The following CHD6 variants were observed in gnomAD, a reference collection of about 807,000 sequenced individuals.
CHD6 encodes the protein chromodomain helicase DNA binding protein 6, also known as ATP-dependent chromatin remodeler CHD6.
CHD6 carries 50 observed loss-of-function variants against 276.9 expected under a neutral mutation model. The ratio of observed to expected loss-of-function variants is 0.18; its 90% CI spans 0.14 to 0.23. CHD6 has a LOEUF of 0.23. CHD6 is among the 10% of genes least tolerant of loss of function. CHD6 has a pLI of 1.00. For missense variants in CHD6, 2,564 were observed against 3,365.8 expected (o/e 0.76, Z 5.89); for synonymous variants, 1,173 against 1,229.3 (o/e 0.95, Z 0.96).
At chr20:41,498,803 ATGTATGTATGTGTGTGTGTG>A (rs143509094) in intron 6 of CHD6, among the ~76,000 whole-genome samples, 2,478 of 95,968 alleles carry the variant, frequency 0.026, 35 homozygotes, top group Admixed American at 0.059. Context: ...GTATGTATGT[ATGTATGTATGTGTGTGTGTG>A]TGTGTGTGTG....
intron 3 of CHD6, among the ~76,000 whole-genome samples, chr20:41,520,227 T>C (rs551377375): frequency 6.6e-6 from 1 of 152,342 alleles, no homozygotes; most frequent in East Asian, 1.9e-4. Flanking sequence ...TTGGTGGGAC[T>C]GTAAACTAGT....
intron 1 of CHD6, among the ~76,000 whole-genome samples, chr20:41,606,547 C>T (rs1363115328): frequency 2.0e-5 from 3 of 150,216 alleles, no homozygotes; most frequent in Non-Finnish European, 4.4e-5. Flanking sequence ...TGGTGGCAGG[C>T]GCCTGTAATC....
intron 1 of CHD6, among the ~76,000 whole-genome samples, chr20:41,586,077 G>A (rs1354003415): frequency 3.3e-5 from 5 of 152,208 alleles, no homozygotes; most frequent in African/African-American, 4.8e-5. Context: ...CACAGGAGGA[G>A]GGACAATGAC....
Position 41,473,182 on chromosome 20 carries a change from C to G in CHD6, c.2664+140G>C, listed in dbSNP as rs1367043589. The G allele has an allele frequency of 2.9e-6, 2 of 688,402 alleles. No homozygotes were observed. Among genetic ancestry groups the G allele is most frequent in the East Asian group, 5.5e-5 (2 of 36,376 alleles). The allele number at this position is 688,402 out of a possible 1,614,324, so 42.6% of individuals were successfully genotyped here. A position where few individuals can be genotyped will look rare whatever the true frequency, so the allele number is the denominator to read the frequency against. The stretch of plus-strand genomic sequence containing the variant: ...TTTACTTTTCATTCAGTTTCACCCC[C>G]TGACCAAGGCCCTAAGCCTGTCATC... On this transcript the variant is annotated intron_variant, in intron 17 of 36. Transcript: ENST00000373233. The surrounding 1 kb of genome is among the most constrained non-coding windows in gnomAD (Gnocchi z 4.1).
intron 17 of CHD6, among the ~76,000 whole-genome samples, chr20:41,467,446 T>A (rs907740062): frequency 6.0e-5 from 9 of 151,252 alleles, no homozygotes; most frequent in Non-Finnish European, 2.9e-5. Flanking sequence ...CCAGCCCTAA[T>A]CCCTGGAGAA....
intron 36 of CHD6, among the ~76,000 whole-genome samples, chr20:41,407,133 G>T (rs2046702027): frequency 6.6e-6 from 1 of 152,218 alleles, no homozygotes; most frequent in South Asian, 2.1e-4. Context: ...AACAGTGAGG[G>T]GTGAGGCCTC....
At chr20:41,415,679 C>T (rs767834703) in intron 33 of CHD6, 41 bp from the exon 34 acceptor site, 3 of 1,440,952 alleles carry the variant, frequency 2.1e-6, no homozygotes, top group East Asian at 2.3e-5. Context: ...GAATGTCACA[C>T]AAGTGGCTGA....
At chr20:41,585,511 C>CAAAAAAAAAA (rs60920576) in intron 1 of CHD6, among the ~76,000 whole-genome samples, 3 of 74,236 alleles carry the variant, frequency 4.0e-5, no homozygotes, top group Admixed American at 1.5e-4. Context: ...TCCGTCTCAC[C>CAAAAAAAAAA]AAAAAAAAAA....
At chr20:41,504,100 AAAAAG>A (rs2043914098) in intron 5 of CHD6, among the ~76,000 whole-genome samples, 1 of 149,582 alleles carries the variant, frequency 6.7e-6, no homozygotes, top group African/African-American at 2.5e-5. Flanking sequence ...AAAAAAAAAA[AAAAAG>A]AAATACATTA....
chr20:41,403,835 AC>A lies in CHD6; in HGVS notation c.*757del. On this transcript the variant is annotated 3_prime_UTR_variant, in exon 37 of 37. Transcript: ENST00000373233. ...TCTACGGAGCGCGGGTCCTTGCCCC[AC>A]CCCCGTCGACAGCAATAACTCATGG... 1.9e-6 allele frequency: 2 copies of A among 1,057,128 alleles called. No homozygotes were observed. The highest frequency in any genetic ancestry group is 4.2e-4 in the Middle Eastern group (1 of 2,354). 65.5% of individuals were successfully genotyped at this position (1,057,128 alleles called of 1,614,324 possible).
intron 8 of CHD6, 82 bp downstream of exon 8, chr20:41,497,302 A>C (rs773250946): frequency 1.1e-6 from 1 of 912,334 alleles, no homozygotes; most frequent in African/African-American, 1.6e-5. Context: ...ATAGGAATTT[A>C]ACTTGGACTT....
chr20:41,415,244 A>G lies in CHD6; in HGVS notation c.6881T>C (p.Val2294Ala). 1 of 1,614,038 alleles carries G rather than the reference A, an allele frequency of 6.2e-7. No homozygotes were observed. Among genetic ancestry groups the G allele is most frequent in the South Asian group, 1.1e-5 (1 of 91,048 alleles). The change falls in exon 34 of 37, where the codon GTT becomes GCT. Residue 2294 changes from valine (V) to alanine (A), a missense_variant. Val to Ala is a moderately conservative substitution (Grantham distance 64). Transcript: ENST00000373233. ...AAAGATGAGGTCCATCCCTCCTTCA[A>G]CATGTTTCCGCCTCCCTCTCCGCCT... ...TRRRRGRRKH[V>A]EGGMDLIFLK...
rs923159439 is a variant in CHD6, at chr20:41,595,176, G to A, written c.-24+23164C>T. Among the ~76,000 whole-genome samples, 4 of 152,198 alleles carry A rather than the reference G, an allele frequency of 2.6e-5. No individual in the cohort carries two copies. In the East Asian group the frequency reaches 5.8e-4, roughly 22 times the overall value. ...TAAACCCAGACTCTCAGCAACGCAG[G>A]AGGAAAGGGCCTACTGATACTGTGG... On this transcript the variant is annotated intron_variant, in intron 1 of 36. Coordinates refer to ENST00000373233, the MANE Select transcript of CHD6 (RefSeq NM_032221.5).
In CHD6 at chr20:41,450,943, C is replaced by A. The variant is rs1194454806; in HGVS notation, c.3683+3G>T. 6.2e-7 allele frequency: 1 copy of A among 1,609,294 alleles called. No homozygotes were observed. The highest frequency in any genetic ancestry group is 1.7e-5 in the Admixed American group (1 of 59,802). The stretch of plus-strand genomic sequence containing the variant: ...CCAGGGTATGGGGAGGAGGGACACT[C>A]ACTTGTTGCAGTGCTGTTTGAGGTG... On this transcript the variant is annotated splice_donor_region_variant and intron_variant, in intron 23 of 36. Transcript: ENST00000373233.
At chr20:41,497,164 G>A (rs1046302005) in intron 8 of CHD6, 6 of 512,862 alleles carry the variant, frequency 1.2e-5, no homozygotes, top group South Asian at 4.2e-5. Context: ...GATGCACGCC[G>A]TTATGAGTTG....
chr20:41,576,832 C>CAGA (rs777320162), intron 1 of CHD6, among the ~76,000 whole-genome samples: 2 of 152,202 alleles, frequency 1.3e-5, no homozygotes, highest in Non-Finnish European at 2.9e-5. Flanking sequence ...TTACAATGTT[C>CAGA]AGATTCTTGA....
In CHD6 at chr20:41,487,707, G is replaced by A. The variant is rs143570961; in HGVS notation, c.1959C>T (p.Thr653=). The change falls in exon 14 of 37, where the codon ACC becomes ACT. Residue 653 remains threonine (T), a synonymous_variant. Coordinates refer to ENST00000373233, the MANE Select transcript of CHD6 (RefSeq NM_032221.5). ...FLEPSQFPSE[T]AFLEEFGDLK... is the part of the protein sequence containing the mutation. ...GATCTCCAAATTCCTCCAAGAAAGCGGTCTCTGAAGGAAACTGTGATGGCT... is the reference window on the plus strand; with the variant it reads ...GATCTCCAAATTCCTCCAAGAAAGCAGTCTCTGAAGGAAACTGTGATGGCT... The A allele has an allele frequency of 1.6e-5, 26 of 1,610,938 alleles. No homozygotes were observed. The highest frequency in any genetic ancestry group is 2.2e-5 in the Non-Finnish European group (26 of 1,179,208).
chr20:41,480,487 T>C (rs1318253690), intron 16 of CHD6, among the ~76,000 whole-genome samples: 1 of 152,202 alleles, frequency 6.6e-6, no homozygotes, highest in Non-Finnish European at 1.5e-5. Flanking sequence ...TCAGCTGTAA[T>C]TTCACATTTT....
chr20:41,568,888 C>A (rs1462224518), intron 1 of CHD6, among the ~76,000 whole-genome samples: 1 of 152,222 alleles, frequency 6.6e-6, no homozygotes, highest in Non-Finnish European at 1.5e-5. Context: ...GCACCTCCTG[C>A]ACTTTCCTTA....
Sources: allele counts gnomAD v4.1 joint callset (sites outside exome capture counted in the v4.1 genomes callset), GRCh38; gene constraint gnomAD v4.1.1; non-coding constraint Gnocchi (gnomAD v3.1); transcripts MANE v1.5; gene names NCBI Gene and HGNC (gene_info 2026-07-23, HGNC 2026-07-21).